TRIM37: variants seen among roughly 807,000 people sequenced by gnomAD.
TRIM37 encodes the protein tripartite motif containing 37.
TRIM37 carries 80 observed loss-of-function variants against 129.8 expected under a neutral mutation model. That is an observed-to-expected ratio of 0.62 (90% confidence interval 0.51 to 0.74). TRIM37 has a LOEUF of 0.74. Among genes scored for constraint, TRIM37 ranks in the 30% least tolerant of loss-of-function variants. The pLI, the probability that TRIM37 is intolerant of heterozygous loss-of-function variation, is 0.00. For missense variants in TRIM37, 1,054 were observed against 1,176.5 expected (o/e 0.90, Z 1.52); for synonymous variants, 389 against 387.1 (o/e 1.00, Z -0.06).
At chr17:59,020,351 C>A (rs2036466597) in intron 19 of TRIM37, among the ~76,000 whole-genome samples, 1 of 128,922 alleles carries the variant, frequency 7.8e-6, no homozygotes, top group Admixed American at 8.0e-5. Context: ...AGGAGATGAA[C>A]AAAATTAGCA....
At chr17:59,013,493 A>G (rs537523670) in intron 21 of TRIM37, among the ~76,000 whole-genome samples, 15 of 152,120 alleles carry the variant, frequency 9.9e-5, no homozygotes, top group African/African-American at 3.6e-4. Flanking sequence ...TTCTGTATTA[A>G]AAAAGCTACA....
At position 58,999,255 on chromosome 17, in the gene TRIM37, A is replaced by G; in HGVS notation, c.*122T>C. The G allele has an allele frequency of 6.3e-7, 1 of 1,596,080 alleles. No homozygotes were observed. Among genetic ancestry groups the G allele is most frequent in the Non-Finnish European group, 8.5e-7 (1 of 1,172,278 alleles). ...CCAACAGTTTCCAAATTACTATTTC[A>G]GGTCGAGATAATGAAGAAATAAGAC... is the stretch of plus-strand genomic sequence containing the variant. On this transcript the variant is annotated 3_prime_UTR_variant, in exon 24 of 24. Coordinates refer to ENST00000262294, the MANE Select transcript of TRIM37 (RefSeq NM_015294.6).
chr17:58,990,343 TAGCTA>T (rs1020922422), intron 24 of TRIM37, among the ~76,000 whole-genome samples: 1 of 151,130 alleles, frequency 6.6e-6, no homozygotes, highest in Non-Finnish European at 1.5e-5. Flanking sequence ...ACACAAAAAT[TAGCTA>T]AGCATGGTGG....
the TRIM37 span, chr17:58,972,954 A>T: frequency 6.5e-7 from 1 of 1,532,870 alleles, no homozygotes; most frequent in Non-Finnish European, 9.0e-7. Context: ...TGTTTCTCCA[A>T]ACTGTCCTCT....
chr17:59,012,193 CTCCCTA>C, intron 22 of TRIM37, 129 bp downstream of exon 22: 1 of 562,072 alleles, frequency 1.8e-6, no homozygotes, highest in South Asian at 1.8e-5. Flanking sequence ...AAACCAACCA[CTCCCTA>C]TCCCTATCAC....
At chr17:58,993,914 T>C (rs1295997384), downstream of TRIM37, among the ~76,000 whole-genome samples, 1 of 152,148 alleles carries the variant, frequency 6.6e-6, no homozygotes, top group Non-Finnish European at 1.5e-5. Context: ...ATTTTGAACC[T>C]AAATATCTTT....
At chr17:59,100,673 GAT>G (rs2045373566) in intron 2 of TRIM37, among the ~76,000 whole-genome samples, 1 of 152,174 alleles carries the variant, frequency 6.6e-6, no homozygotes, top group Non-Finnish European at 1.5e-5. Context: ...GGGGATGACA[GAT>G]ATATTCACTA....
At chr17:59,005,488 C>G (rs567900351) in intron 22 of TRIM37, among the ~76,000 whole-genome samples, 2 of 152,116 alleles carry the variant, frequency 1.3e-5, no homozygotes, top group African/African-American at 2.4e-5. Context: ...TTTCACCATA[C>G]TGGCCAAGCT....
chr17:59,051,344 C>A lies in TRIM37; in HGVS notation c.1200-16G>T. On this transcript the variant is annotated splice_polypyrimidine_tract_variant and intron_variant, in intron 13 of 23. Transcript: ENST00000262294. ...TACCTGAAACCTTAAAAGAATTGTGCCACATTAAAAAAAAAATTCAAATAG... is the reference window on the plus strand; with the variant it reads ...TACCTGAAACCTTAAAAGAATTGTGACACATTAAAAAAAAAATTCAAATAG... The A allele has an allele frequency of 6.4e-7, 1 of 1,553,562 alleles. No homozygotes were observed. Among genetic ancestry groups the A allele is most frequent in the Non-Finnish European group, 8.9e-7 (1 of 1,125,436 alleles).
chr17:58,973,716 G>C, the TRIM37 span, among the ~76,000 whole-genome samples: 1 of 152,176 alleles, frequency 6.6e-6, no homozygotes, highest in East Asian at 1.9e-4. Flanking sequence ...ACTTTGGGAG[G>C]CTGAGGTGGG....
chr17:59,070,705 A>T (rs1467594319), intron 9 of TRIM37, 118 bp downstream of exon 9: 3 of 1,162,892 alleles, frequency 2.6e-6, no homozygotes, highest in Middle Eastern at 2.8e-4. Context: ...GTGAGACCCT[A>T]TCTATAAAAG....
chr17:58,990,216 C>T (rs2032237138), intron 24 of TRIM37, among the ~76,000 whole-genome samples: 1 of 130,836 alleles, frequency 7.6e-6, no homozygotes, highest in Non-Finnish European at 1.6e-5. Context: ...AAAGGCTAGG[C>T]ATGGTAGCTC....
Position 59,081,109 on chromosome 17 carries a change from T to C in TRIM37, c.480A>G (p.Leu160=), listed in dbSNP as rs374974912. 58 of 1,611,882 alleles carry C rather than the reference T, an allele frequency of 3.6e-5. 1 individual carries two copies. The highest frequency in any genetic ancestry group is 4.9e-5 in the Non-Finnish European group (58 of 1,178,686). Residue 160 remains leucine (L), a synonymous_variant, in exon 6 of 24, where the codon TTA becomes TTG. Transcript: ENST00000262294. ...GTAGTAGTCTTACCACTTCTTGAAC[T>C]AAGCTGATCAGTTCCATGAGACGCC... ...LRRRLMELIS[L]VQEVERNVEA... is the part of the protein sequence containing the mutation.
intron 19 of TRIM37, among the ~76,000 whole-genome samples, chr17:59,024,363 A>G (rs2145390354): frequency 6.6e-6 from 1 of 152,300 alleles, no homozygotes; most frequent in Non-Finnish European, 1.5e-5. Context: ...CCTAAGATAT[A>G]ATACATTGAG....
Position 59,040,918 on chromosome 17 carries a change from C to T in TRIM37, c.1753+895G>A, listed in dbSNP as rs556656402. On this transcript the variant is annotated intron_variant, in intron 17 of 23. Transcript: ENST00000262294. ...AAAATTAGCCGGGCGCGGTGGCGGG[C>T]GCCTGTAGTCCCAGCTACTCGGGAG... Among the ~76,000 whole-genome samples the T allele has an allele frequency of 5.2e-3, 789 of 151,800 alleles. 3 individuals are homozygous for T. The highest frequency in any genetic ancestry group is 8.5e-3 in the Admixed American group (129 of 15,258).
chr17:59,046,413 A>T (rs1327255397), intron 16 of TRIM37, among the ~76,000 whole-genome samples: 1 of 152,216 alleles, frequency 6.6e-6, no homozygotes, highest in Non-Finnish European at 1.5e-5. Flanking sequence ...TCATTTCCGT[A>T]GTATCCCTGC....
At chr17:59,001,956 C>G (rs1217000584) in intron 22 of TRIM37, among the ~76,000 whole-genome samples, 1 of 152,040 alleles carries the variant, frequency 6.6e-6, no homozygotes, top group Admixed American at 6.6e-5. Context: ...TTCCATAGTA[C>G]CTGAAAGTTA....
At chr17:58,982,932 A>C in intron 24 of TRIM37, 1 of 1,574,308 alleles carries the variant, frequency 6.4e-7, no homozygotes, top group South Asian at 1.2e-5. Flanking sequence ...CTAAGAAAAC[A>C]AGAAAACAAA....
chr17:59,001,331 C>T (rs917817859), intron 23 of TRIM37, among the ~76,000 whole-genome samples: 5 of 151,496 alleles, frequency 3.3e-5, no homozygotes, highest in African/African-American at 1.2e-4. Flanking sequence ...AGGTTGTGGA[C>T]CCCGTCTCTG....
Sources: gnomAD v4.1 joint callset for allele counts (sites outside exome capture counted in the v4.1 genomes callset) on GRCh38, gnomAD v4.1.1 for gene constraint, MANE v1.5 for transcripts, NCBI Gene and HGNC (gene_info 2026-07-23, HGNC 2026-07-21) for gene names.